PFKL: variants seen among roughly 807,000 people sequenced by gnomAD.
PFKL encodes phosphofructokinase, liver type.
PFKL carries 74 observed loss-of-function variants against 92.1 expected under a neutral mutation model. The ratio of observed to expected loss-of-function variants is 0.80; its 90% CI spans 0.67 to 0.97. The LOEUF is 0.97. Ranked by LOEUF, PFKL falls within the 50% of genes least tolerant of loss-of-function variation. The pLI is 0.00. For missense variants in PFKL, 1,028 were observed against 1,116.6 expected (o/e 0.92, Z 1.13); for synonymous variants, 494 against 456.4 (o/e 1.08, Z -1.05).
chr21:44,318,201 C>G (rs1484406053), intron 9 of PFKL, among the ~76,000 whole-genome samples: 1 of 152,222 alleles, frequency 6.6e-6, no homozygotes, highest in Admixed American at 6.5e-5. Context: ...CAGCGAGCGA[C>G]GGTGGGTGGG....
chr21:44,313,581 C>A, intron 5 of PFKL, 57 bp from the exon 6 acceptor site: 1 of 1,556,784 alleles, frequency 6.4e-7, no homozygotes, highest in Non-Finnish European at 8.8e-7. Context: ...CGCAGGGAAT[C>A]GGGCTGGCAG....
At position 44,300,147 on chromosome 21, in the gene PFKL, G is replaced by A. The variant is rs2040724379; in HGVS notation, c.42G>A (p.Ala14=). The change falls in exon 1 of 22, where the codon GCG becomes GCA. Residue 14 remains alanine, a synonymous_variant. Transcript: ENST00000349048. The stretch of plus-strand genomic sequence containing the variant: ...TGGAGAAGCTGCGGGCGTCGGGCGC[G>A]GGCAAGGCCATCGGCGTCCTGACCA... The part of the protein sequence containing the change: ...VDLEKLRASG[A]GKAIGVLTSG... 1 of 1,194,700 alleles carries A rather than the reference G, an allele frequency of 8.4e-7. No homozygotes were observed. Among genetic ancestry groups the A allele is most frequent in the Non-Finnish European group, 1.1e-6 (1 of 948,082 alleles). 74.0% of individuals were successfully genotyped at this position (1,194,700 alleles called of 1,614,324 possible). A position where few individuals can be genotyped will look rare whatever the true frequency, so the allele number is the denominator to read the frequency against.
chr21:44,301,449 G>GC (rs58710846), intron 1 of PFKL, among the ~76,000 whole-genome samples: 51,885 of 151,922 alleles, frequency 0.34, 9,903 homozygotes, highest in African/African-American at 0.52. Flanking sequence ...GTGTTGTCGA[G>GC]AGGGGAGGGC....
chr21:44,322,478 CAGGCA>C (rs2047382541), intron 14 of PFKL, among the ~76,000 whole-genome samples: 2 of 152,214 alleles, frequency 1.3e-5, no homozygotes, highest in Admixed American at 1.3e-4. Context: ...CTGGCCAGGC[CAGGCA>C]GCCTGCACTG....
intron 5 of PFKL, 27 bp from the exon 6 acceptor site, chr21:44,313,611 A>C (rs746068280): frequency 1.7e-5 from 27 of 1,606,140 alleles, no homozygotes; most frequent in South Asian, 2.2e-5. Flanking sequence ...GCTGGCACTG[A>C]TGCATCCTCC....
intron 3 of PFKL, among the ~76,000 whole-genome samples, chr21:44,311,822 G>A (rs921306862): frequency 3.3e-5 from 5 of 152,304 alleles, no homozygotes; most frequent in Middle Eastern, 3.4e-3. Flanking sequence ...CAACCTATGC[G>A]TGTGTGTACT....
At chr21:44,317,678 G>A (rs1053499556) in intron 9 of PFKL, among the ~76,000 whole-genome samples, 3 of 152,214 alleles carry the variant, frequency 2.0e-5, no homozygotes, top group Non-Finnish European at 4.4e-5. Flanking sequence ...CCCTGAGCCC[G>A]TATTCCCACT....
rs924113307 is a variant in PFKL, at chr21:44,311,052, A to G, written c.206A>G (p.Asn69Ser). ...VEGGENIKQA[N>S]WLSVSNIIQL... ...GGAGGTGAGAACATCAAGCAGGCCA[A>G]CTGGCTGAGCGTCTCCAACATCATC... The change falls in exon 3 of 22, where the codon AAC becomes AGC. Residue 69 changes from asparagine (N) to serine (S), a missense_variant. By Grantham distance (46) the Asn-to-Ser change is conservative. Transcript: ENST00000349048. The G allele has an allele frequency of 3.1e-6, 5 of 1,613,050 alleles. No individual in the cohort carries two copies. Among genetic ancestry groups the G allele is most frequent in the South Asian group, 2.2e-5 (2 of 90,984 alleles).
chr21:44,305,463 G>A (rs1225240007), intron 1 of PFKL: 10 of 1,299,294 alleles, frequency 7.7e-6, no homozygotes, highest in Non-Finnish European at 1.0e-5. Context: ...GGGAGGGCAG[G>A]GGCTTTTGAG....
chr21:44,303,782 C>T (rs1348341468), intron 1 of PFKL, among the ~76,000 whole-genome samples: 1 of 152,158 alleles, frequency 6.6e-6, no homozygotes, highest in East Asian at 1.9e-4. Context: ...TGGGAACCAG[C>T]GCACCAACCT....
At position 44,326,946 on chromosome 21, in the gene PFKL, C is replaced by A; in HGVS notation, c.*84C>A. On this transcript the variant is annotated 3_prime_UTR_variant, in exon 22 of 22. Coordinates refer to ENST00000349048, the MANE Select transcript of PFKL (RefSeq NM_002626.6). Reference sequence around the variant, plus strand: ...TCAGATGGGGCCTGGGCTGTTGTGTCTGGAGCCTGCAGGCAGGTGGGGGCT... The same window carrying A: ...TCAGATGGGGCCTGGGCTGTTGTGTATGGAGCCTGCAGGCAGGTGGGGGCT... 1 of 1,320,552 alleles carries A rather than the reference C, an allele frequency of 7.6e-7. No homozygotes were observed. Among genetic ancestry groups the A allele is most frequent in the Non-Finnish European group, 1.1e-6 (1 of 945,424 alleles). 81.8% of individuals were successfully genotyped at this position (1,320,552 alleles called of 1,614,324 possible). A position where few individuals can be genotyped will look rare whatever the true frequency, so the allele number is the denominator to read the frequency against.
At chr21:44,306,616 T>TGGGGGG in intron 1 of PFKL, 65 bp from the exon 2 acceptor site, 1 of 1,393,400 alleles carries the variant, frequency 7.2e-7, no homozygotes. Flanking sequence ...TCCTCTGAGA[T>TGGGGGG]GGGGAGGGTG....
At chr21:44,324,424 G>A (rs1237083487) in intron 16 of PFKL, 67 bp from the exon 17 acceptor site, 12 of 1,541,128 alleles carry the variant, frequency 7.8e-6, no homozygotes, top group Middle Eastern at 1.7e-4. Flanking sequence ...CTGCAGGGTA[G>A]CCATGCCGAC....
chr21:44,307,558 C>G (rs1040166220), intron 2 of PFKL, among the ~76,000 whole-genome samples: 9 of 152,238 alleles, frequency 5.9e-5, no homozygotes, highest in Admixed American at 5.2e-4. Context: ...AGCCCCACCC[C>G]CCTCACTGCT....
intron 15 of PFKL, 47 bp from the exon 16 acceptor site, chr21:44,323,719 C>G (rs2047419417): frequency 1.3e-6 from 2 of 1,572,504 alleles, no homozygotes; most frequent in South Asian, 2.3e-5. Flanking sequence ...CCCGGCCCAC[C>G]CTGGCCTCGG....
At chr21:44,318,270 G>A (rs548317056) in intron 9 of PFKL, among the ~76,000 whole-genome samples, 200 bp from the exon 10 acceptor site, 5 of 152,234 alleles carry the variant, frequency 3.3e-5, no homozygotes, top group African/African-American at 1.2e-4. Context: ...GCAGGGCAGC[G>A]AGGACTCTGT....
At position 44,325,223 on chromosome 21, in the gene PFKL, G is replaced by A. The variant is rs371498924; in HGVS notation, c.1948G>A (p.Val650Ile). ...CCTGTACTCATCAGAGGGCAAGGGC[G>A]TCTTCGACTGCAGGACCAATGTCCT... ...YNLYSSEGKG[V>I]FDCRTNVLGH... The change falls in exon 19 of 22, where the codon GTC (valine) becomes ATC (isoleucine). Residue 650 changes from valine (V) to isoleucine (I), a missense_variant. Physicochemically the swap from Val to Ile is conservative, Grantham distance 29. Transcript: ENST00000349048. The A allele has an allele frequency of 3.6e-5, 58 of 1,612,860 alleles. No individual in the cohort carries two copies. The highest frequency in any genetic ancestry group is 1.7e-4 in the African/African-American group (13 of 74,924).
chr21:44,326,008 G>A lies in PFKL; in HGVS notation c.2037G>A (p.Gly679=), dbSNP rs1296133474. ...ACCGGAACTATGGGACCAAGCTGGG[G>A]GTGAAGGCCATGCTGTGGTTGTCGG... ...PFDRNYGTKL[G]VKAMLWLSEK... The change falls in exon 20 of 22, where the codon GGG becomes GGA. Residue 679 remains glycine (G), a synonymous_variant. Coordinates refer to ENST00000349048, the MANE Select transcript of PFKL (RefSeq NM_002626.6). 1 of 1,613,914 alleles carries A rather than the reference G, an allele frequency of 6.2e-7. No individual in the cohort carries two copies. The highest frequency in any genetic ancestry group is 2.2e-5 in the East Asian group (1 of 44,874).
chr21:44,321,805 G>C lies in PFKL; in HGVS notation c.1268G>C (p.Arg423Pro). ...GMNAAVRSAV[R>P]TGISHGHTVY... ...AATGCGGCCGTGCGCTCGGCGGTGC[G>C]GACCGGCATCTCCCATGGACACACA... is the stretch of plus-strand genomic sequence containing the variant. The change falls in exon 13 of 22, where the codon CGG (arginine) becomes CCG (proline). Residue 423 changes from arginine to proline, a missense_variant. Coordinates refer to ENST00000349048, the MANE Select transcript of PFKL (RefSeq NM_002626.6). 6.2e-7 allele frequency: 1 copy of C among 1,602,600 alleles called. No individual in the cohort carries two copies. Among genetic ancestry groups the C allele is most frequent in the Non-Finnish European group, 8.5e-7 (1 of 1,174,602 alleles).
Sources: allele counts gnomAD v4.1 joint callset (sites outside exome capture counted in the v4.1 genomes callset), GRCh38; gene constraint gnomAD v4.1.1; transcripts MANE v1.5; gene names NCBI Gene and HGNC (gene_info 2026-07-23, HGNC 2026-07-21).